CLCC1: variants seen among roughly 807,000 people sequenced by gnomAD.
CLCC1 encodes the protein chloride channel CLIC-like protein 1.
In CLCC1, 39 loss-of-function variants were observed where a neutral mutation model predicts 63.3. The observed-to-expected ratio is 0.62, with a 90% CI of 0.48 to 0.81. The LOEUF (loss-of-function observed/expected upper bound fraction) is 0.81. Ranked by LOEUF, CLCC1 falls within the 30% of genes least tolerant of loss-of-function variation. CLCC1 has a pLI of 0.00. For missense variants in CLCC1, 549 were observed against 669.4 expected, an observed-to-expected ratio of 0.82 and a Z score of 1.98; for synonymous variants, 217 against 239.8, an observed-to-expected ratio of 0.90 and a Z score of 0.88.
rs1664415 is a variant in CLCC1 at position 108,931,204 on chromosome 1, G to A, written c.*1343C>T. On this transcript the variant is annotated 3_prime_UTR_variant, in exon 13 of 13. Transcript: ENST00000369969. ...CCCATGTGGTTAGGTCAAGAACCTA[G>A]GACACATAAACAAACAGAAAACAGA... is the stretch of plus-strand genomic sequence containing the variant. 328,789 of 1,184,870 alleles carry A rather than the reference G, an allele frequency of 0.28. 50,330 individuals carry two copies. Among genetic ancestry groups the A allele is most frequent in the African/African-American group, 0.57 (36,988 of 64,582 alleles). 73.4% of individuals were successfully genotyped at this position (1,184,870 alleles called of 1,614,324 possible).
intron 2 of CLCC1, among the ~76,000 whole-genome samples, chr1:108,959,716 A>AG (rs1557901183): frequency 6.6e-6 from 1 of 152,170 alleles, no homozygotes; most frequent in Non-Finnish European, 1.5e-5. Context: ...CCAAGGGTAA[A>AG]GGGGGGACTC....
In CLCC1 at chr1:108,931,597, A is replaced by C; in HGVS notation, c.*950T>G. 7.3e-7 allele frequency: 1 copy of C among 1,374,004 alleles called. No individual in the cohort carries two copies. The allele number at this position is 1,374,004 out of a possible 1,614,324, so 85.1% of individuals were successfully genotyped here. ...ATGGCCAATGTTTTTTAAGAGTCAT[A>C]ACCTGGAATTAATTACATTAAGTGC... On this transcript the variant is annotated 3_prime_UTR_variant, in exon 13 of 13. Coordinates refer to ENST00000369969, the MANE Select transcript of CLCC1 (RefSeq NM_001377458.1).
intron 10 of CLCC1, 27 bp downstream of exon 10, chr1:108,939,609 C>G (rs192826699): frequency 1.2e-6 from 2 of 1,604,308 alleles, no homozygotes; most frequent in South Asian, 1.1e-5. Context: ...GCGCCTGGCC[C>G]GACAGTGCTA....
intron 9 of CLCC1, 101 bp from the exon 10 acceptor site, chr1:108,939,883 A>G: frequency 7.3e-7 from 1 of 1,374,190 alleles, no homozygotes; most frequent in Middle Eastern, 1.9e-4. Flanking sequence ...TGTTACATAA[A>G]TTAAAATGCT....
At chr1:108,939,927 A>G in intron 9 of CLCC1, 118 bp downstream of exon 9, 1 of 1,276,804 alleles carries the variant, frequency 7.8e-7, no homozygotes, top group Non-Finnish European at 1.1e-6. Flanking sequence ...ATCACTGTGC[A>G]AAAGTATTTT....
rs1651676567 is a variant in CLCC1, at chr1:108,930,171, A to G, written c.*2376T>C. 4 of 493,264 alleles carry G rather than the reference A, an allele frequency of 8.1e-6. No homozygotes were observed. In the South Asian group the frequency reaches 1.3e-4, roughly 16 times the overall value. The allele number at this position is 493,264 out of a possible 1,614,324, so 30.6% of individuals were successfully genotyped here. On this transcript the variant is annotated 3_prime_UTR_variant, in exon 13 of 13. Coordinates refer to ENST00000369969, the MANE Select transcript of CLCC1 (RefSeq NM_001377458.1). Reference sequence around the variant, plus strand: ...TCATCGTCTGTGATTACTGCTTGGGATGTGTTCTTTGGCAGCTTGTGAGAT... The same window carrying G: ...TCATCGTCTGTGATTACTGCTTGGGGTGTGTTCTTTGGCAGCTTGTGAGAT...
chr1:108,931,516 A>C lies in CLCC1; in HGVS notation c.*1031T>G. ...ATGGGATCTGGGGATGTGGACCCCT[A>C]TTCTTTCAAAAAGTCATTCAGGTGA... On this transcript the variant is annotated 3_prime_UTR_variant, in exon 13 of 13. Transcript: ENST00000369969. The C allele has an allele frequency of 6.5e-7, 1 of 1,532,476 alleles. No individual in the cohort carries two copies. The allele number at this position is 1,532,476 out of a possible 1,614,324, so 94.9% of individuals were successfully genotyped here. A position where few individuals can be genotyped will look rare whatever the true frequency, so the allele number is the denominator to read the frequency against.
At chr1:108,951,086 T>C (rs952274883) in intron 2 of CLCC1, among the ~76,000 whole-genome samples, 3 of 152,178 alleles carry the variant, frequency 2.0e-5, no homozygotes, top group Admixed American at 1.3e-4. Flanking sequence ...TTTTTCGTAA[T>C]AGCCAAAAGG....
chr1:108,962,283 T>A (rs538328411), intron 2 of CLCC1, 26 bp downstream of exon 2: 1 of 152,272 alleles, frequency 6.6e-6, no homozygotes, highest in East Asian at 1.9e-4. Context: ...CGAAAGCACA[T>A]GAGTAATGGG....
At chr1:108,934,224 G>A (rs565343009) in intron 12 of CLCC1, 2 of 160,082 alleles carry the variant, frequency 1.2e-5, no homozygotes, top group South Asian at 1.8e-4. Flanking sequence ...TCCTGGTAAC[G>A]ATACTCCATG....
At chr1:108,936,720 C>A (rs891560659) in intron 11 of CLCC1, among the ~76,000 whole-genome samples, 2 of 152,204 alleles carry the variant, frequency 1.3e-5, no homozygotes, top group African/African-American at 2.4e-5. Context: ...TCCTTTAGGG[C>A]TCTACTGTAC....
intron 8 of CLCC1, among the ~76,000 whole-genome samples, chr1:108,941,102 T>C (rs1012132730): frequency 1.4e-4 from 22 of 152,226 alleles, no homozygotes; most frequent in Admixed American, 4.6e-4. Context: ...CTATTGAGAA[T>C]ATGCCAGACC....
intron 4 of CLCC1, among the ~76,000 whole-genome samples, chr1:108,948,106 T>A (rs947770871): frequency 1.3e-5 from 2 of 152,050 alleles, no homozygotes; most frequent in African/African-American, 2.4e-5. Context: ...AAGAGTAGAA[T>A]AAATACACAG....
Position 108,931,431 on chromosome 1 carries a change from C to T in CLCC1, c.*1116G>A, listed in dbSNP as rs548005693. 85 of 1,550,856 alleles carry T rather than the reference C, an allele frequency of 5.5e-5. No homozygotes were observed. Among genetic ancestry groups the T allele is most frequent in the East Asian group, 2.0e-4 (8 of 40,922 alleles). On this transcript the variant is annotated 3_prime_UTR_variant, in exon 13 of 13. Coordinates refer to ENST00000369969, the MANE Select transcript of CLCC1 (RefSeq NM_001377458.1). ...CTGGATCACAGACTGCAAAGGCCCA[C>T]GCTTGGAACAAGTTGCCAACTTGTT... is the stretch of plus-strand genomic sequence containing the variant.
At chr1:108,952,775 G>C (rs1230723884) in intron 2 of CLCC1, among the ~76,000 whole-genome samples, 4 of 151,338 alleles carry the variant, frequency 2.6e-5, no homozygotes, top group Non-Finnish European at 5.9e-5. Flanking sequence ...ACTCCAGCCT[G>C]GGTGACAGAG....
intron 11 of CLCC1, among the ~76,000 whole-genome samples, chr1:108,936,851 A>G (rs1463040896): frequency 1.3e-5 from 2 of 152,244 alleles, no homozygotes; most frequent in Non-Finnish European, 2.9e-5. Context: ...CATCTGCTCT[A>G]ACAAACTACT....
At chr1:108,961,903 C>G (rs1424321043) in intron 2 of CLCC1, among the ~76,000 whole-genome samples, 4 of 152,116 alleles carry the variant, frequency 2.6e-5, no homozygotes, top group African/African-American at 9.7e-5. Context: ...GTGCTAAGCA[C>G]TGTTACATTA....
rs58482013 is a variant in CLCC1, at chr1:108,954,817, C to CGTGTGTGTGTGTGTGT, written c.-11-4385_-11-4370dup. On this transcript the variant is annotated intron_variant, in intron 2 of 12. Coordinates refer to ENST00000369969, the MANE Select transcript of CLCC1 (RefSeq NM_001377458.1). ...TACTGTATACTGGGCACTGTCTTTG[C>CGTGTGTGTGTGTGTGT]GTGTGTGTGTGTGTGTGTGTGTGTG... 4.9e-4 allele frequency among the ~76,000 whole-genome samples: 69 copies of CGTGTGTGTGTGTGTGT among 140,602 alleles called. 4 individuals carry two copies. The highest frequency in any genetic ancestry group is 1.5e-3 in the African/African-American group (55 of 35,828). The allele number at this position is 140,602 out of a possible 152,430, so 92.2% of individuals were successfully genotyped here.
chr1:108,956,462 C>T (rs1410248381), intron 2 of CLCC1, among the ~76,000 whole-genome samples: 6 of 151,048 alleles, frequency 4.0e-5, no homozygotes, highest in Admixed American at 3.3e-4. Flanking sequence ...GAGATCGAGA[C>T]CATCCCGGCT....
Sources: gnomAD v4.1 joint callset for allele counts (sites outside exome capture counted in the v4.1 genomes callset) on GRCh38, gnomAD v4.1.1 for gene constraint, MANE v1.5 for transcripts, NCBI Gene and HGNC (gene_info 2026-07-23, HGNC 2026-07-21) for gene names.